Variants in ZDHHC13 observed in about 807,000 individuals in gnomAD.
ZDHHC13 encodes the protein zDHHC palmitoyltransferase 13.
Under a neutral mutation model 86.0 loss-of-function variants are expected in ZDHHC13, and 85 were observed. The observed-to-expected ratio is 0.99, with a 90% CI of 0.83 to 1.18. ZDHHC13 has a LOEUF of 1.18. ZDHHC13 is among the 50% of genes most tolerant of loss of function. ZDHHC13 has a pLI of 0.00. For synonymous variants in ZDHHC13, 263 were observed against 246.4 expected (o/e 1.07, Z -0.63); for missense variants, 711 against 730.2 (o/e 0.97, Z 0.30).
In ZDHHC13 at chr11:19,133,942, T is replaced by TATATATATATATATATATATATATAC; in HGVS notation, c.28-9035_28-9034insTATATATATATATATATATATATACA. ...GTCCATATATATATATATATATATA[T>TATATATATATATATATATATATATAC]ACACGTATGTGTTTTATATACTTCA... On this transcript the variant is annotated intron_variant, in intron 1 of 16. Transcript: ENST00000446113. 1.6e-3 allele frequency among the ~76,000 whole-genome samples: 152 copies of TATATATATATATATATATATATATAC among 95,950 alleles called. 2 individuals are homozygous for TATATATATATATATATATATATATAC. The highest frequency in any genetic ancestry group is 4.7e-3 in the African/African-American group (140 of 29,478). 62.9% of individuals were successfully genotyped at this position (95,950 alleles called of 152,430 possible).
intron 1 of ZDHHC13, among the ~76,000 whole-genome samples, chr11:19,137,101 A>G (rs1264369550): frequency 2.0e-5 from 3 of 152,210 alleles, no homozygotes; most frequent in Non-Finnish European, 4.4e-5. Context: ...TAAATGCTCC[A>G]ATTAAAAGGC....
In ZDHHC13 at chr11:19,130,850, GTTT is replaced by G. The variant is rs796273895; in HGVS notation, c.28-12117_28-12115del. Among the ~76,000 whole-genome samples, 928 of 138,940 alleles carry G rather than the reference GTTT, an allele frequency of 6.7e-3. 6 individuals carry two copies. The highest frequency in any genetic ancestry group is 0.023 in the African/African-American group (878 of 38,302). The allele number at this position is 138,940 out of a possible 152,430, so 91.2% of individuals were successfully genotyped here. A position where few individuals can be genotyped will look rare whatever the true frequency, so the allele number is the denominator to read the frequency against. On this transcript the variant is annotated intron_variant, in intron 1 of 16. Coordinates refer to ENST00000446113, the MANE Select transcript of ZDHHC13 (RefSeq NM_019028.3). ...TGATTTTTCCAGACTGGTTTTTTTT[GTTT>G]TTTTTTTTTTGAAAGGGAATTTCGC...
chr11:19,147,134 A>G (rs556017381), intron 3 of ZDHHC13, among the ~76,000 whole-genome samples: 3 of 152,182 alleles, frequency 2.0e-5, no homozygotes, highest in Non-Finnish European at 4.4e-5. Context: ...TAACTTTTCC[A>G]AAAGGATTTT....
chr11:19,160,140 A>C (rs1849870925), intron 10 of ZDHHC13, among the ~76,000 whole-genome samples: 1 of 152,026 alleles, frequency 6.6e-6, no homozygotes, highest in Admixed American at 6.5e-5. Flanking sequence ...AGGAGTTCTC[A>C]AAGTACATAT....
rs187623123 is a variant in ZDHHC13 at position 19,172,324 on chromosome 11, G to A, written c.1633-399G>A. Reference sequence around the variant, plus strand: ...CTGACCTCGTGATCCACCCGCCTCGGCCTGCCAAAGTGCTGGGATTACAGG... The same window carrying A: ...CTGACCTCGTGATCCACCCGCCTCGACCTGCCAAAGTGCTGGGATTACAGG... On this transcript the variant is annotated intron_variant, in intron 15 of 16. Coordinates refer to ENST00000446113, the MANE Select transcript of ZDHHC13 (RefSeq NM_019028.3). Among the ~76,000 whole-genome samples the A allele has an allele frequency of 6.8e-4, 103 of 152,220 alleles. 2 individuals are homozygous for A. Among genetic ancestry groups the A allele is most frequent in the Non-Finnish European group, 1.2e-3 (83 of 68,018 alleles).
chr11:19,152,155 C>A lies in ZDHHC13; in HGVS notation c.585-3C>A. On this transcript the variant is annotated splice_region_variant and splice_polypyrimidine_tract_variant and intron_variant, in intron 6 of 16. Coordinates refer to ENST00000446113, the MANE Select transcript of ZDHHC13 (RefSeq NM_019028.3). ...CTCTTGGTATTTTATTATTTTGAGA[C>A]AGGCCAGAACCAACTGGATTTCTTT... 6.2e-7 allele frequency: 1 copy of A among 1,609,144 alleles called. No homozygotes were observed. The highest frequency in any genetic ancestry group is 8.5e-7 in the Non-Finnish European group (1 of 1,177,268).
chr11:19,130,877 GCT>G (rs1453211916), intron 1 of ZDHHC13, among the ~76,000 whole-genome samples: 1 of 149,166 alleles, frequency 6.7e-6, no homozygotes, highest in Non-Finnish European at 1.5e-5. Flanking sequence ...AGGGAATTTC[GCT>G]CTGTCGCCCA....
rs1408589843 is a variant in ZDHHC13 at position 19,149,175 on chromosome 11, T to G, written c.375-12T>G. 2.0e-6 allele frequency: 3 copies of G among 1,527,420 alleles called. No homozygotes were observed. Among genetic ancestry groups the G allele is most frequent in the South Asian group, 2.5e-5 (2 of 78,980 alleles). 94.6% of individuals were successfully genotyped at this position (1,527,420 alleles called of 1,614,324 possible). ...GCATGCTACAGAATGGCTTTTTGTC[T>G]TCTATTTGCAGACAAGGACATTTAC... On this transcript the variant is annotated splice_polypyrimidine_tract_variant and intron_variant, in intron 4 of 16. Coordinates refer to ENST00000446113, the MANE Select transcript of ZDHHC13 (RefSeq NM_019028.3).
At chr11:19,173,939 A>G (rs368431341) in intron 16 of ZDHHC13, among the ~76,000 whole-genome samples, 2 of 152,302 alleles carry the variant, frequency 1.3e-5, no homozygotes, top group South Asian at 2.1e-4. Context: ...TGATGGCAGC[A>G]TCAACTAGAG....
At chr11:19,117,159 A>G (rs1240534745), upstream of ZDHHC13, 5 of 1,399,068 alleles carry the variant, frequency 3.6e-6, no homozygotes, top group Admixed American at 1.0e-4. This position sits in a 1 kb window ranked among gnomAD's most constrained non-coding sequence, Gnocchi z 4.2. Context: ...GCCAGCAGGA[A>G]GTGGGAGAAG....
intron 12 of ZDHHC13, 137 bp from the exon 13 acceptor site, chr11:19,164,915 C>G (rs1404384568): frequency 3.0e-6 from 2 of 664,772 alleles, no homozygotes; most frequent in Non-Finnish European, 5.3e-6. Context: ...AGGCATTCCA[C>G]AGCCTCTGTG....
intron 1 of ZDHHC13, among the ~76,000 whole-genome samples, chr11:19,137,552 C>T (rs1849178198): frequency 6.6e-6 from 1 of 151,868 alleles, no homozygotes; most frequent in South Asian, 2.1e-4. Context: ...GAACTCAGCT[C>T]TGCACCAAGC....
At chr11:19,171,977 G>C (rs1311348137) in intron 15 of ZDHHC13, among the ~76,000 whole-genome samples, 1 of 152,178 alleles carries the variant, frequency 6.6e-6, no homozygotes, top group African/African-American at 2.4e-5. Flanking sequence ...TGACCAAGGA[G>C]TCAGTCCCAG....
intron 13 of ZDHHC13, 97 bp from the exon 14 acceptor site, chr11:19,166,205 G>A: frequency 2.2e-6 from 2 of 920,222 alleles, no homozygotes; most frequent in South Asian, 1.6e-5. Context: ...GTTTTACTTT[G>A]GTGAAGACTT....
intron 9 of ZDHHC13, 28 bp downstream of exon 9, chr11:19,155,957 G>T (rs774738632): frequency 3.2e-6 from 5 of 1,573,702 alleles, no homozygotes; most frequent in African/African-American, 1.4e-5. Context: ...TGCAAGGCTG[G>T]TTATTGTGTT....
chr11:19,142,539 A>G (rs1849349890), intron 1 of ZDHHC13, among the ~76,000 whole-genome samples: 1 of 152,192 alleles, frequency 6.6e-6, no homozygotes, highest in African/African-American at 2.4e-5. Context: ...AACTCCAAAA[A>G]GTAGAGGCCT....
chr11:19,125,775 A>G (rs976958256), intron 1 of ZDHHC13, among the ~76,000 whole-genome samples: 1 of 152,210 alleles, frequency 6.6e-6, no homozygotes, highest in Non-Finnish European at 1.5e-5. Context: ...ATTATTGATA[A>G]CATACAACAA....
At chr11:19,132,966 A>G (rs766177976) in intron 1 of ZDHHC13, among the ~76,000 whole-genome samples, 74 of 152,220 alleles carry the variant, frequency 4.9e-4, no homozygotes, top group Non-Finnish European at 4.6e-4. Flanking sequence ...ACATATAGCC[A>G]ACAAGGAGTA....
intron 14 of ZDHHC13, chr11:19,168,697 ACTGTCATCCCACCTCC>A: frequency 1.8e-6 from 1 of 571,124 alleles, no homozygotes; most frequent in Non-Finnish European, 2.2e-6. Context: ...ATGAGGCCTC[ACTGTCATCCCACCTCC>A]CTTGTTTACC....
Sources: allele counts gnomAD v4.1 joint callset (sites outside exome capture counted in the v4.1 genomes callset), GRCh38; gene constraint gnomAD v4.1.1; non-coding constraint Gnocchi (gnomAD v3.1); transcripts MANE v1.5; gene names NCBI Gene and HGNC (gene_info 2026-07-23, HGNC 2026-07-21).